RERE: variants seen among roughly 807,000 people sequenced by gnomAD.
The protein encoded by RERE is arginine-glutamic acid dipeptide repeats protein.
In RERE, 40 loss-of-function variants were observed where a neutral mutation model predicts 146.1. That is an observed-to-expected ratio of 0.27 (90% CI 0.21 to 0.36). The LOEUF is 0.36. Ranked by LOEUF, RERE falls within the 10% of genes least tolerant of loss-of-function variation. The pLI is 1.00. For synonymous variants in RERE, 1,003 were observed against 866.0 expected (o/e 1.16, Z -2.78); for missense variants, 1,933 against 2,138.7 (o/e 0.90, Z 1.90).
chr1:8,587,840 G>C (rs1646444328), intron 4 of RERE, among the ~76,000 whole-genome samples: 1 of 152,090 alleles, frequency 6.6e-6, no homozygotes, highest in Admixed American at 6.6e-5. Flanking sequence ...AACCTTGTGA[G>C]TCCCACCTTA....
At chr1:8,515,262 T>TG (rs1167552628) in intron 7 of RERE, among the ~76,000 whole-genome samples, 2 of 152,058 alleles carry the variant, frequency 1.3e-5, no homozygotes, top group African/African-American at 4.8e-5. Flanking sequence ...CTCAGGAGGC[T>TG]GAGCCAGGAG....
intron 12 of RERE, among the ~76,000 whole-genome samples, chr1:8,394,305 T>C (rs938464386): frequency 8.5e-5 from 13 of 152,210 alleles, no homozygotes; most frequent in African/African-American, 2.9e-4. Flanking sequence ...ATGCTAAACA[T>C]ACTGCCCACA....
chr1:8,634,415 G>C (rs1431211642), intron 2 of RERE, among the ~76,000 whole-genome samples: 1 of 152,180 alleles, frequency 6.6e-6, no homozygotes, highest in Non-Finnish European at 1.5e-5. Context: ...CTACAAAGTT[G>C]CAGGCACAGA....
intron 1 of RERE, among the ~76,000 whole-genome samples, chr1:8,755,690 CA>C (rs1347719436): frequency 5.9e-5 from 9 of 152,134 alleles, no homozygotes; most frequent in African/African-American, 2.2e-4. Context: ...GAAGAGCAAA[CA>C]AGACTTTCTA....
At chr1:8,661,800 G>A (rs56786048) in intron 1 of RERE, among the ~76,000 whole-genome samples, 3 of 152,144 alleles carry the variant, frequency 2.0e-5, no homozygotes, top group Non-Finnish European at 2.9e-5. Flanking sequence ...TCACAGAGTC[G>A]AAGTTGGCAG....
intron 4 of RERE, among the ~76,000 whole-genome samples, chr1:8,569,242 A>G: frequency 6.8e-6 from 1 of 147,706 alleles, no homozygotes; most frequent in Non-Finnish European, 1.5e-5. Context: ...ACAGTCCATT[A>G]AATTTCTTTA....
chr1:8,398,936 T>G (rs1489903338), intron 12 of RERE, among the ~76,000 whole-genome samples: 1 of 152,188 alleles, frequency 6.6e-6, no homozygotes, highest in Non-Finnish European at 1.5e-5. Context: ...ACTGATAAAC[T>G]TTTTTGTAAA....
At chr1:8,375,890 G>A (rs1055180811) in intron 12 of RERE, among the ~76,000 whole-genome samples, 5 of 152,196 alleles carry the variant, frequency 3.3e-5, no homozygotes, top group African/African-American at 1.2e-4. Flanking sequence ...CAATAACTAA[G>A]CTAAGCCATA....
intron 1 of RERE, chr1:8,753,500 G>GC (rs1640579373): frequency 6.6e-6 from 1 of 151,962 alleles, no homozygotes; most frequent in Non-Finnish European, 1.5e-5. Flanking sequence ...CTATTTGACG[G>GC]ATTTTAAAAG....
At chr1:8,373,758 C>T (rs1280915479) in intron 12 of RERE, among the ~76,000 whole-genome samples, 4 of 152,200 alleles carry the variant, frequency 2.6e-5, no homozygotes, top group East Asian at 3.9e-4. Context: ...CCCTCCCCAA[C>T]GATTCAAGGG....
chr1:8,402,840 T>G (rs770790554), intron 12 of RERE, among the ~76,000 whole-genome samples: 1 of 152,216 alleles, frequency 6.6e-6, no homozygotes, highest in African/African-American at 2.4e-5. Context: ...TATATTCACC[T>G]GTAAAACTGC....
intron 1 of RERE, among the ~76,000 whole-genome samples, chr1:8,713,150 C>T (rs1459808620): frequency 1.3e-5 from 2 of 152,142 alleles, no homozygotes; most frequent in Non-Finnish European, 2.9e-5. Context: ...AACAGTTTGT[C>T]TTTTGTGGTA....
At chr1:8,401,235 C>T (rs923502343) in intron 12 of RERE, among the ~76,000 whole-genome samples, 1 of 150,324 alleles carries the variant, frequency 6.7e-6, no homozygotes, top group Admixed American at 6.6e-5. Flanking sequence ...AGTTATATTA[C>T]GTAGCAAACT....
chr1:8,816,242 T>C (rs1641908946), intron 1 of RERE, among the ~76,000 whole-genome samples: 1 of 151,370 alleles, frequency 6.6e-6, no homozygotes, highest in African/African-American at 2.4e-5. Flanking sequence ...GTTATCTTTT[T>C]TTGCGTTTAA....
At chr1:8,498,766 C>CACACACACACACAG (rs1056858982) in intron 8 of RERE, among the ~76,000 whole-genome samples, 3 of 149,278 alleles carry the variant, frequency 2.0e-5, no homozygotes, top group African/African-American at 7.4e-5. Flanking sequence ...CACACACACA[C>CACACACACACACAG]ACATATGTAG....
In RERE at chr1:8,683,154, G is replaced by A. The variant is rs578207188; in HGVS notation, c.-144-26713C>T. The stretch of plus-strand genomic sequence containing the variant: ...TCCATATTTTAGATGCCAAATGCCT[G>A]AAGAATTAATAACATCAAAAATGGA... On this transcript the variant is annotated intron_variant, in intron 1 of 22. Coordinates refer to ENST00000400908, the MANE Select transcript of RERE (RefSeq NM_001042681.2). 2.6e-5 allele frequency among the ~76,000 whole-genome samples: 4 copies of A among 151,462 alleles called. No individual in the cohort carries two copies. In the South Asian group the frequency reaches 8.4e-4, roughly 32 times the overall value.
At chr1:8,409,971 ATT>A (rs57424627) in intron 12 of RERE, among the ~76,000 whole-genome samples, 22,482 of 95,224 alleles carry the variant, frequency 0.24, 2,441 homozygotes, top group Non-Finnish European at 0.28. Context: ...CAATCAGGCA[ATT>A]TTTTTTTTTT....
intron 11 of RERE, among the ~76,000 whole-genome samples, chr1:8,444,862 G>A (rs1644297271): frequency 6.6e-6 from 1 of 151,134 alleles, no homozygotes; most frequent in Non-Finnish European, 1.5e-5. Context: ...CGTAGATGTT[G>A]GTGTCATGCT....
intron 4 of RERE, among the ~76,000 whole-genome samples, chr1:8,605,373 C>A (rs1024284933): frequency 6.6e-6 from 1 of 152,106 alleles, no homozygotes; most frequent in African/African-American, 2.4e-5. Context: ...ACCTTGTGAT[C>A]CACCTGCCTC....
Sources: allele counts gnomAD v4.1 joint callset (sites outside exome capture counted in the v4.1 genomes callset), GRCh38; gene constraint gnomAD v4.1.1; transcripts MANE v1.5; gene names NCBI Gene and HGNC (gene_info 2026-07-23, HGNC 2026-07-21).